Variants in FRMD6 observed in about 807,000 individuals in gnomAD.
The protein encoded by FRMD6 is FERM domain-containing protein 6.
In FRMD6, 37 loss-of-function variants were observed where a neutral mutation model predicts 73.2. That is an observed-to-expected ratio of 0.51 (90% CI 0.39 to 0.66). The LOEUF is 0.66. FRMD6 is among the 30% of genes least tolerant of loss of function. The pLI is 0.00. For missense variants in FRMD6, 714 were observed against 780.5 expected (o/e 0.91, Z 1.02); for synonymous variants, 273 against 282.2 (o/e 0.97, Z 0.33).
At chr14:51,684,658 C>A (rs750711674) in intron 1 of FRMD6, among the ~76,000 whole-genome samples, 1 of 152,024 alleles carries the variant, frequency 6.6e-6, no homozygotes, top group Non-Finnish European at 1.5e-5. Context: ...GGGAGAGGGG[C>A]TCCTGGCAGC....
At chr14:51,470,517 A>C in the FRMD6 span, among the ~76,000 whole-genome samples, 6 of 152,150 alleles carry the variant, frequency 3.9e-5, no homozygotes, top group African/African-American at 1.4e-4. Flanking sequence ...ACCAAAAAAA[A>C]ACCAGCTTTT....
At chr14:51,537,360 T>C (rs1206122751) in intron 1 of FRMD6, among the ~76,000 whole-genome samples, 1 of 152,226 alleles carries the variant, frequency 6.6e-6, no homozygotes, top group Non-Finnish European at 1.5e-5. Flanking sequence ...TGCAGAGTAT[T>C]TCATTGTATT....
At chr14:51,716,532 T>A (rs1028402936) in intron 10 of FRMD6, among the ~76,000 whole-genome samples, 11 of 152,196 alleles carry the variant, frequency 7.2e-5, no homozygotes, top group African/African-American at 2.4e-4. Context: ...CCATCCTTTC[T>A]TAAACAAACA....
chr14:51,434,814 G>A, the FRMD6 span, among the ~76,000 whole-genome samples: 5 of 152,144 alleles, frequency 3.3e-5, no homozygotes, highest in African/African-American at 1.2e-4. Context: ...AGTCATCAAA[G>A]TTAATATCAC....
At chr14:51,646,900 G>T (rs961695738) in intron 2 of FRMD6, among the ~76,000 whole-genome samples, 4 of 151,756 alleles carry the variant, frequency 2.6e-5, no homozygotes. Context: ...AATTCTCTAC[G>T]ATGGGCCCTC....
At chr14:51,659,708 A>C in intron 1 of FRMD6, among the ~76,000 whole-genome samples, 1 of 152,196 alleles carries the variant, frequency 6.6e-6, no homozygotes, top group East Asian at 1.9e-4. Flanking sequence ...AAGTTCTTTT[A>C]AAGAGTACCA....
At chr14:51,657,803 A>G (rs549146444) in intron 1 of FRMD6, among the ~76,000 whole-genome samples, 1 of 152,278 alleles carries the variant, frequency 6.6e-6, no homozygotes, top group East Asian at 1.9e-4. Context: ...TATCCTAAGG[A>G]TATAGTTTGG....
At chr14:51,665,319 G>C (rs781176481) in intron 1 of FRMD6, among the ~76,000 whole-genome samples, 17 of 152,178 alleles carry the variant, frequency 1.1e-4, no homozygotes, top group Admixed American at 2.0e-4. Context: ...GGACCAAGCT[G>C]TTGTAGGCAT....
the FRMD6 span, among the ~76,000 whole-genome samples, chr14:51,470,138 A>T: frequency 2.4e-4 from 37 of 152,174 alleles, no homozygotes; most frequent in African/African-American, 8.7e-4. Context: ...CCCCCTTTTC[A>T]TTCCTTAGTG....
chr14:51,725,903 A>T (rs1412562003), intron 13 of FRMD6, 33 bp downstream of exon 13: 1 of 1,502,804 alleles, frequency 6.7e-7, no homozygotes, highest in Non-Finnish European at 9.2e-7. Flanking sequence ...TCAGTTAGGA[A>T]ACTGAAGTTA....
the FRMD6 span, among the ~76,000 whole-genome samples, chr14:51,459,628 C>T: frequency 6.6e-6 from 1 of 151,974 alleles, no homozygotes; most frequent in African/African-American, 2.4e-5. Context: ...GAGATTGAGA[C>T]CATCCTGGCT....
chr14:51,520,545 T>C (rs916351987), intron 1 of FRMD6, among the ~76,000 whole-genome samples: 2 of 152,182 alleles, frequency 1.3e-5, no homozygotes, highest in African/African-American at 2.4e-5. Context: ...GAAATGTCCA[T>C]CAGGAGGTGA....
intron 4 of FRMD6, among the ~76,000 whole-genome samples, chr14:51,701,446 G>A (rs1471786294): frequency 1.4e-5 from 2 of 139,226 alleles, no homozygotes; most frequent in Non-Finnish European, 3.1e-5. Context: ...TAGAAAATGG[G>A]AAAATAAAAT....
At chr14:51,423,943 T>C in the FRMD6 span, among the ~76,000 whole-genome samples, 1 of 152,206 alleles carries the variant, frequency 6.6e-6, no homozygotes, top group Non-Finnish European at 1.5e-5. Context: ...GAATACAAAA[T>C]GTCTACAACC....
intron 1 of FRMD6, among the ~76,000 whole-genome samples, chr14:51,510,422 CG>C (rs1441189814): frequency 1.7e-4 from 26 of 152,202 alleles, no homozygotes; most frequent in Admixed American, 7.8e-4. Context: ...TCAATATTTC[CG>C]TGATTTTTTT....
At chr14:51,505,526 G>A (rs1883909671) in intron 1 of FRMD6, among the ~76,000 whole-genome samples, 1 of 152,046 alleles carries the variant, frequency 6.6e-6, no homozygotes, top group South Asian at 2.1e-4. Context: ...GTGGGGTAGG[G>A]GAAGAGCTTT....
chr14:51,516,455 A>G (rs1445361401), intron 1 of FRMD6, among the ~76,000 whole-genome samples: 1 of 152,226 alleles, frequency 6.6e-6, no homozygotes, highest in African/African-American at 2.4e-5. Flanking sequence ...AGAGAAGCCA[A>G]CACAAACAAA....
chr14:51,715,073 T>A (rs2140558911), intron 9 of FRMD6: 1 of 288,070 alleles, frequency 3.5e-6, no homozygotes, highest in Admixed American at 5.0e-5. Flanking sequence ...ACCAAAGATA[T>A]TCCTCAGCTG....
intron 1 of FRMD6, among the ~76,000 whole-genome samples, chr14:51,519,592 G>A (rs1472563889): frequency 6.6e-6 from 1 of 152,172 alleles, no homozygotes; most frequent in Admixed American, 6.5e-5. Context: ...TTTTAACTTA[G>A]AGATTCCTAT....
Sources: gnomAD v4.1 joint callset for allele counts (sites outside exome capture counted in the v4.1 genomes callset) on GRCh38, gnomAD v4.1.1 for gene constraint, MANE v1.5 for transcripts, NCBI Gene and HGNC (gene_info 2026-07-23, HGNC 2026-07-21) for gene names.